Variants in ZNF778 observed in about 807,000 individuals in gnomAD.
The protein encoded by ZNF778 is zinc finger protein 778.
In ZNF778, 37 loss-of-function variants were observed where a neutral mutation model predicts 23.9. That is an observed-to-expected ratio of 1.54 (90% CI 1.19 to 2.03). The LOEUF (loss-of-function observed/expected upper bound fraction) is 2.03. Among genes scored for constraint, ZNF778 ranks in the 30% most tolerant of loss-of-function variants. The pLI, the probability that ZNF778 is intolerant of heterozygous loss-of-function variation, is 0.00. For missense variants in ZNF778, 1,297 were observed against 934.4 expected, an observed-to-expected ratio of 1.39 and a Z score of -5.06; for synonymous variants, 483 against 343.9, an observed-to-expected ratio of 1.40 and a Z score of -4.48.
At chr16:89,225,447 C>G in intron 5 of ZNF778, 108 bp from the exon 6 acceptor site, 5 of 882,506 alleles carry the variant, frequency 5.7e-6, no homozygotes, top group African/African-American at 1.7e-5. Flanking sequence ...TACACATAGC[C>G]AAACTCCTTA....
In ZNF778 at chr16:89,231,584, T is replaced by G. The variant is rs2031928722; in HGVS notation, c.*3022T>G. ...GGGTTCCTAAGGCACAAATTTGATA[T>G]TTGAGATTCTGTGATGAGCTGAGCT... On this transcript the variant is annotated 3_prime_UTR_variant, in exon 7 of 7. Coordinates refer to ENST00000433976, the MANE Select transcript of ZNF778 (RefSeq NM_001201407.2). 6.6e-6 allele frequency: 1 copy of G among 152,214 alleles called. No individual in the cohort carries two copies. The highest frequency in any genetic ancestry group is 1.5e-5 in the Non-Finnish European group (1 of 68,068). 9.4% of individuals were successfully genotyped at this position (152,214 alleles called of 1,614,324 possible).
Position 89,226,840 on chromosome 16 carries a change from T to C in ZNF778, c.552T>C (p.Ile184=). The C allele has an allele frequency of 6.2e-7, 1 of 1,614,036 alleles. No individual in the cohort carries two copies. The highest frequency in any genetic ancestry group is 8.5e-7 in the Non-Finnish European group (1 of 1,179,890). The change falls in exon 7 of 7, where the codon ATT becomes ATC. Residue 184 remains isoleucine (I), a synonymous_variant. Coordinates refer to ENST00000433976, the MANE Select transcript of ZNF778 (RefSeq NM_001201407.2). ...ATCATTATGAAAGGGACTTTTTTAT[T>C]CCATGCCAGAAAACCTTGTTCAAAA... ...VSNHYERDFF[I]PCQKTLFKIG...
intron 1 of ZNF778, among the ~76,000 whole-genome samples, chr16:89,219,062 G>A (rs954978982): frequency 1.3e-5 from 2 of 152,030 alleles, no homozygotes; most frequent in Middle Eastern, 3.4e-3. Context: ...AGCCAAGATC[G>A]TGCCATTGCA....
In ZNF778 at chr16:89,228,343, C is replaced by T; in HGVS notation, c.2055C>T (p.Ser685=). ...AGTGTGGGAAAGCCTTCCGTGCCTC[C>T]TCTCACCTGCATAAACATGGAAGAA... is the stretch of plus-strand genomic sequence containing the variant. The part of the protein sequence containing the change: ...CNECGKAFRA[S]SHLHKHGRIH... Residue 685 remains serine (S), a synonymous_variant, in exon 7 of 7, where the codon TCC becomes TCT. Transcript: ENST00000433976. 1 of 1,613,700 alleles carries T rather than the reference C, an allele frequency of 6.2e-7. No individual in the cohort carries two copies. The highest frequency in any genetic ancestry group is 8.5e-7 in the Non-Finnish European group (1 of 1,179,722).
Position 89,220,986 on chromosome 16 carries a change from A to C in ZNF778, c.-131-11A>C, listed in dbSNP as rs1490311396. ...AACTGGGAAGTAATGCTTCTTCATCATGATTGCTAGGAAATAGGGATCCAG... is the reference window on the plus strand; with the variant it reads ...AACTGGGAAGTAATGCTTCTTCATCCTGATTGCTAGGAAATAGGGATCCAG... On this transcript the variant is annotated splice_polypyrimidine_tract_variant and intron_variant, in intron 1 of 6. Transcript: ENST00000433976. 2 of 843,316 alleles carry C rather than the reference A, an allele frequency of 2.4e-6. No homozygotes were observed. Among genetic ancestry groups the C allele is most frequent in the Non-Finnish European group, 3.7e-6 (2 of 535,008 alleles). 52.2% of individuals were successfully genotyped at this position (843,316 alleles called of 1,614,324 possible).
chr16:89,223,379 C>T (rs2031158414), intron 4 of ZNF778, 96 bp downstream of exon 4: 10 of 1,539,566 alleles, frequency 6.5e-6, no homozygotes, highest in Middle Eastern at 1.7e-4. Flanking sequence ...CCGAGTACCA[C>T]GGGAAGTAAG....
rs1265655811 is a variant in ZNF778, at chr16:89,231,842, C to T, written c.*3280C>T. ...CAGCTTTCCATCTCATCTCCTTACT[C>T]CCTTGACTTGGCTTCACACAGAGCC... is the stretch of plus-strand genomic sequence containing the variant. On this transcript the variant is annotated 3_prime_UTR_variant, in exon 7 of 7. Transcript: ENST00000433976. The T allele has an allele frequency of 6.6e-6, 1 of 152,232 alleles. No homozygotes were observed. Among genetic ancestry groups the T allele is most frequent in the Non-Finnish European group, 1.5e-5 (1 of 68,074 alleles). 9.4% of individuals were successfully genotyped at this position (152,232 alleles called of 1,614,324 possible).
In ZNF778 at chr16:89,222,145, G is replaced by A; in HGVS notation, c.79G>A (p.Ala27Thr). The A allele has an allele frequency of 6.2e-7, 1 of 1,606,082 alleles. No homozygotes were observed. Among genetic ancestry groups the A allele is most frequent in the Non-Finnish European group, 8.5e-7 (1 of 1,174,982 alleles). ...VCLHEEQTQA[A>T]GMVAGWLINC... ...CCTTCATGAAGAACAGACACAGGCAGCAGGGATGGTGGCTGGCTGGCTGAT... is the reference window on the plus strand; with the variant it reads ...CCTTCATGAAGAACAGACACAGGCAACAGGGATGGTGGCTGGCTGGCTGAT... The change falls in exon 3 of 7, where the codon GCA becomes ACA. Residue 27 changes from alanine to threonine, a missense_variant. Physicochemically the swap from Ala to Thr is moderately conservative, Grantham distance 58. Transcript: ENST00000433976.
Position 89,230,965 on chromosome 16 carries a change from A to G in ZNF778, c.*2403A>G, listed in dbSNP as rs1480838842. 1 of 152,014 alleles carries G rather than the reference A, an allele frequency of 6.6e-6. No homozygotes were observed. The highest frequency in any genetic ancestry group is 1.5e-5 in the Non-Finnish European group (1 of 68,058). The allele number at this position is 152,014 out of a possible 1,614,324, so 9.4% of individuals were successfully genotyped here. A position where few individuals can be genotyped will look rare whatever the true frequency, so the allele number is the denominator to read the frequency against. ...CGTGTTTAAAATTCTGGATGGACAG[A>G]CCCGTGCACCTTCCTGTCACATGTT... is the stretch of plus-strand genomic sequence containing the variant. On this transcript the variant is annotated 3_prime_UTR_variant, in exon 7 of 7. Transcript: ENST00000433976.
Position 89,233,873 on chromosome 16 carries a change from G to C in ZNF778, c.*5311G>C, listed in dbSNP as rs760581955. ...TTCCTTTTTCTAACTACCACACCAA[G>C]CCAGTATTTCTCCTCCCTGAAGTCA... On this transcript the variant is annotated 3_prime_UTR_variant, in exon 7 of 7. Coordinates refer to ENST00000433976, the MANE Select transcript of ZNF778 (RefSeq NM_001201407.2). 40 of 1,289,678 alleles carry C rather than the reference G, an allele frequency of 3.1e-5. No homozygotes were observed. Among genetic ancestry groups the C allele is most frequent in the Middle Eastern group, 2.1e-4 (1 of 4,720 alleles). The allele number at this position is 1,289,678 out of a possible 1,614,324, so 79.9% of individuals were successfully genotyped here. A position where few individuals can be genotyped will look rare whatever the true frequency, so the allele number is the denominator to read the frequency against.
chr16:89,234,171 T>C lies in ZNF778; in HGVS notation c.*5609T>C, dbSNP rs1262307573. On this transcript the variant is annotated 3_prime_UTR_variant, in exon 7 of 7. Transcript: ENST00000433976. Reference sequence around the variant, plus strand: ...ACCTGTGTGTGTCACTCACTCACCTTGACGAGTCCGCGTCTAGGCCCCACC... The same window carrying C: ...ACCTGTGTGTGTCACTCACTCACCTCGACGAGTCCGCGTCTAGGCCCCACC... 4.9e-6 allele frequency: 2 copies of C among 406,676 alleles called. No individual in the cohort carries two copies. Among genetic ancestry groups the C allele is most frequent in the Non-Finnish European group, 9.7e-6 (2 of 206,346 alleles). 25.2% of individuals were successfully genotyped at this position (406,676 alleles called of 1,614,324 possible). A position where few individuals can be genotyped will look rare whatever the true frequency, so the allele number is the denominator to read the frequency against.
Position 89,228,535 on chromosome 16 carries a change from A to G in ZNF778, c.2247A>G (p.Gln749=), listed in dbSNP as rs765385054. ...CCTCATGCCTTAACCATCACACTCAAATTCACACTGATGAGAAACCTTTCT... is the reference window on the plus strand; with the variant it reads ...CCTCATGCCTTAACCATCACACTCAGATTCACACTGATGAGAAACCTTTCT... The part of the protein sequence containing the change: ...KNSSCLNHHT[Q]IHTDEKPF The change falls in exon 7 of 7, where the codon CAA becomes CAG. Residue 749 remains glutamine, a synonymous_variant. Transcript: ENST00000433976. The G allele has an allele frequency of 6.3e-7, 1 of 1,593,836 alleles. No homozygotes were observed. Among genetic ancestry groups the G allele is most frequent in the Non-Finnish European group, 8.5e-7 (1 of 1,172,454 alleles).
chr16:89,219,912 A>G (rs535775090), intron 1 of ZNF778, among the ~76,000 whole-genome samples: 36 of 152,360 alleles, frequency 2.4e-4, no homozygotes, highest in African/African-American at 6.7e-4. Context: ...TCTTTATGTA[A>G]TCCAGACTGC....
rs117496293 is a variant in ZNF778, at chr16:89,217,822, C to G, written c.-220C>G. The G allele has an allele frequency of 2.6e-5, 4 of 152,232 alleles. No homozygotes were observed. Among genetic ancestry groups the G allele is most frequent in the African/African-American group, 9.6e-5 (4 of 41,458 alleles). The allele number at this position is 152,232 out of a possible 1,614,324, so 9.4% of individuals were successfully genotyped here. A position where few individuals can be genotyped will look rare whatever the true frequency, so the allele number is the denominator to read the frequency against. On this transcript the variant is annotated 5_prime_UTR_variant, in exon 1 of 7. Transcript: ENST00000433976. ...GGAGTGGGCGCCCGCCCGCCTGCCT[C>G]GCGCCTTGCGCCCCCGGCACCGCTT...
At chr16:89,222,909 CAG>C (rs199679472) in intron 3 of ZNF778, among the ~76,000 whole-genome samples, 121,131 of 151,200 alleles carry the variant, frequency 0.8, 50,846 homozygotes, top group Non-Finnish European at 0.92. Flanking sequence ...AGGAGAGCGA[CAG>C]GGTGCGCGTG....
chr16:89,230,053 G>C lies in ZNF778; in HGVS notation c.*1491G>C. ...AGTATCCAGATGGGATCCTGTATGA[G>C]CAGCGTAGGCTCTGGTTGGTTAGTC... On this transcript the variant is annotated 3_prime_UTR_variant, in exon 7 of 7. Transcript: ENST00000433976. 2.1e-6 allele frequency: 2 copies of C among 975,358 alleles called. No individual in the cohort carries two copies. Among genetic ancestry groups the C allele is most frequent in the Non-Finnish European group, 2.4e-6 (2 of 820,870 alleles). 60.4% of individuals were successfully genotyped at this position (975,358 alleles called of 1,614,324 possible).
rs374498916 is a variant in ZNF778, at chr16:89,234,088, C to G, written c.*5526C>G. 2 of 578,568 alleles carry G rather than the reference C, an allele frequency of 3.5e-6. No individual in the cohort carries two copies. Among genetic ancestry groups the G allele is most frequent in the East Asian group, 6.7e-5 (1 of 14,924 alleles). 35.8% of individuals were successfully genotyped at this position (578,568 alleles called of 1,614,324 possible). A position where few individuals can be genotyped will look rare whatever the true frequency, so the allele number is the denominator to read the frequency against. On this transcript the variant is annotated 3_prime_UTR_variant, in exon 7 of 7. Coordinates refer to ENST00000433976, the MANE Select transcript of ZNF778 (RefSeq NM_001201407.2). ...CTCTGCAGCTCCCCTTGGGCCCTGC[C>G]TGGAGTGATGTGCCGCCTTCTCTTG...
chr16:89,223,123 TG>T, intron 3 of ZNF778, 33 bp from the exon 4 acceptor site: 19 of 1,604,782 alleles, frequency 1.2e-5, no homozygotes, highest in Non-Finnish European at 1.6e-5. Context: ...ATGGACACGT[TG>T]GAAGGCTCCA....
At position 89,221,132 on chromosome 16, in the gene ZNF778, C is replaced by T. The variant is rs768732634; in HGVS notation, c.5C>T (p.Ala2Val). The T allele has an allele frequency of 2.6e-6, 4 of 1,567,570 alleles. No homozygotes were observed. The highest frequency in any genetic ancestry group is 2.4e-5 in the East Asian group (1 of 42,276). The change falls in exon 2 of 7, where the codon GCA (alanine) becomes GTA (valine). Residue 2 changes from alanine (A) to valine (V), a missense_variant. Physicochemically the swap from Ala to Val is moderately conservative, Grantham distance 64 (BLOSUM62 0). Transcript: ENST00000433976. M[A>V]APDLAHGGHV... ...CGCTTCCGTCAGCCTCCCAGGATGG[C>T]AGCCCCTGACCTGGCCCACGGTAAG...
Sources: gnomAD v4.1 joint callset for allele counts (sites outside exome capture counted in the v4.1 genomes callset) on GRCh38, gnomAD v4.1.1 for gene constraint, MANE v1.5 for transcripts, NCBI Gene and HGNC (gene_info 2026-07-23, HGNC 2026-07-21) for gene names.